UNC5C: variants seen among roughly 807,000 people sequenced by gnomAD.
UNC5C encodes the protein netrin receptor UNC5C.
Under a neutral mutation model 99.8 loss-of-function variants are expected in UNC5C, and 47 were observed. The observed-to-expected ratio is 0.47, with a 90% CI of 0.37 to 0.60. The LOEUF is 0.60. Ranked by LOEUF, UNC5C falls within the 20% of genes least tolerant of loss-of-function variation. The pLI, the probability that UNC5C is intolerant of heterozygous loss-of-function variation, is 0.00. For synonymous variants in UNC5C, 487 were observed against 452.2 expected, an observed-to-expected ratio of 1.08 and a Z score of -0.98; for missense variants, 1,062 against 1,165.9, an observed-to-expected ratio of 0.91 and a Z score of 1.30.
chr4:95,474,930 T>C (rs1748090066), intron 1 of UNC5C, among the ~76,000 whole-genome samples: 1 of 152,114 alleles, frequency 6.6e-6, no homozygotes, highest in Non-Finnish European at 1.5e-5. Flanking sequence ...GTTTTAAGAC[T>C]TTTTATGTTC....
At chr4:95,236,100 T>A (rs999824370) in intron 7 of UNC5C, among the ~76,000 whole-genome samples, 3 of 152,156 alleles carry the variant, frequency 2.0e-5, no homozygotes, top group Non-Finnish European at 2.9e-5. Context: ...ACCCAAAGGA[T>A]TATAAATCAT....
Position 95,333,561 on chromosome 4 carries a change from C to T in UNC5C, c.346+1849G>A, listed in dbSNP as rs13135470. On this transcript the variant is annotated intron_variant, in intron 2 of 15. Transcript: ENST00000453304. ...ACAGGAAGGGGAACATCACACTCTG[C>T]GGACTATTGTGGGGTGGGGGGAGGG... is the stretch of plus-strand genomic sequence containing the variant. Among the ~76,000 whole-genome samples, 7 of 128,230 alleles carry T rather than the reference C, an allele frequency of 5.5e-5. 1 individual carries two copies. The highest frequency in any genetic ancestry group is 1.6e-4 in the African/African-American group (5 of 31,322). 84.1% of individuals were successfully genotyped at this position (128,230 alleles called of 152,430 possible).
chr4:95,224,358 A>G (rs550451950), intron 7 of UNC5C, among the ~76,000 whole-genome samples: 17 of 152,342 alleles, frequency 1.1e-4, no homozygotes, highest in South Asian at 6.2e-4. Context: ...AGGAAAGCCT[A>G]TCTCCAGCTA....
chr4:95,435,254 G>T (rs1746742840), intron 1 of UNC5C, among the ~76,000 whole-genome samples: 1 of 152,002 alleles, frequency 6.6e-6, no homozygotes. Context: ...AGTTGGACAG[G>T]GAGGTTGATG....
intron 1 of UNC5C, among the ~76,000 whole-genome samples, chr4:95,459,057 CT>C (rs1747523695): frequency 6.6e-6 from 1 of 151,912 alleles, no homozygotes; most frequent in East Asian, 1.9e-4. Context: ...CCCTGTTATC[CT>C]TTTAGGAATT....
chr4:95,348,174 C>G (rs538126259), intron 1 of UNC5C, among the ~76,000 whole-genome samples: 11 of 151,966 alleles, frequency 7.2e-5, no homozygotes, highest in African/African-American at 2.7e-4. Context: ...CATCATTGAT[C>G]ATTATAGAAA....
chr4:95,292,204 T>C (rs1269265958), intron 3 of UNC5C, among the ~76,000 whole-genome samples: 2 of 110,388 alleles, frequency 1.8e-5, no homozygotes, highest in African/African-American at 3.4e-5. Flanking sequence ...TACACATATA[T>C]ATACATATAT....
chr4:95,395,303 G>A (rs1475457966), intron 1 of UNC5C, among the ~76,000 whole-genome samples: 1 of 152,086 alleles, frequency 6.6e-6, no homozygotes, highest in Non-Finnish European at 1.5e-5. Context: ...CTAGTTGTAT[G>A]GTCAAAATGC....
intron 1 of UNC5C, among the ~76,000 whole-genome samples, chr4:95,350,105 C>T (rs1214696268): frequency 6.6e-6 from 1 of 152,090 alleles, no homozygotes; most frequent in African/African-American, 2.4e-5. Context: ...ATTTGTAACT[C>T]ATTAGTACTT....
chr4:95,430,007 G>T (rs57558370), intron 1 of UNC5C, among the ~76,000 whole-genome samples: 1,595 of 152,176 alleles, frequency 0.01, 36 homozygotes, highest in African/African-American at 0.036. Flanking sequence ...GGTTAGTGGG[G>T]AGGGAGAGAT....
At chr4:95,295,690 C>T (rs1185306098) in intron 3 of UNC5C, among the ~76,000 whole-genome samples, 1 of 152,266 alleles carries the variant, frequency 6.6e-6, no homozygotes, top group East Asian at 1.9e-4. Context: ...GTGATCTTCA[C>T]CTCTGATGAG....
At chr4:95,314,674 T>C (rs1030515371) in intron 2 of UNC5C, among the ~76,000 whole-genome samples, 4 of 152,194 alleles carry the variant, frequency 2.6e-5, no homozygotes, top group Admixed American at 1.3e-4. Flanking sequence ...TCCTTCACTT[T>C]CCAACTAGAA....
In UNC5C at chr4:95,182,871, A is replaced by G. The variant is rs772804117; in HGVS notation, c.2451+26T>C. ...TTCCTGAGTGTCGCACTCTCCCCTGATTTCAGACAGACAGGAGCCACTTAC... is the reference window on the plus strand; with the variant it reads ...TTCCTGAGTGTCGCACTCTCCCCTGGTTTCAGACAGACAGGAGCCACTTAC... On this transcript the variant is annotated intron_variant, in intron 14 of 15. Coordinates refer to ENST00000453304, the MANE Select transcript of UNC5C (RefSeq NM_003728.4). 2.2e-5 allele frequency: 35 copies of G among 1,598,280 alleles called. 1 individual carries two copies. In the South Asian group the frequency reaches 3.9e-4, roughly 18 times the overall value.
intron 1 of UNC5C, among the ~76,000 whole-genome samples, chr4:95,341,875 G>A (rs74642377): frequency 0.011 from 1,610 of 152,168 alleles, 34 homozygotes; most frequent in African/African-American, 0.037. Flanking sequence ...GTGATTGTGC[G>A]ACTTTGCATT....
chr4:95,472,203 G>A (rs1181509642), intron 1 of UNC5C, among the ~76,000 whole-genome samples: 3 of 152,102 alleles, frequency 2.0e-5, no homozygotes, highest in Middle Eastern at 6.8e-3. Context: ...TAAAAAATAA[G>A]TTTTCCATTT....
chr4:95,279,013 T>G (rs1025500854), intron 3 of UNC5C, among the ~76,000 whole-genome samples: 11 of 152,302 alleles, frequency 7.2e-5, no homozygotes, highest in African/African-American at 2.6e-4. Context: ...AACCCCATTC[T>G]CTTGATTCTT....
chr4:95,476,352 C>T (rs1311909508), intron 1 of UNC5C, among the ~76,000 whole-genome samples: 1 of 152,074 alleles, frequency 6.6e-6, no homozygotes, highest in Non-Finnish European at 1.5e-5. Flanking sequence ...AGCCTGGCAT[C>T]TACCATCTCC....
At chr4:95,196,241 A>G (rs1232950719) in intron 12 of UNC5C, among the ~76,000 whole-genome samples, 2 of 152,200 alleles carry the variant, frequency 1.3e-5, no homozygotes, top group East Asian at 1.9e-4. Context: ...TGAAAGGAAA[A>G]CACCTTTTTC....
At chr4:95,291,300 A>G (rs1427085529) in intron 3 of UNC5C, among the ~76,000 whole-genome samples, 1 of 152,202 alleles carries the variant, frequency 6.6e-6, no homozygotes, top group African/African-American at 2.4e-5. Flanking sequence ...AACTTTATGG[A>G]TGAGGAAACT....
Sources: gnomAD v4.1 joint callset for allele counts (sites outside exome capture counted in the v4.1 genomes callset) on GRCh38, gnomAD v4.1.1 for gene constraint, MANE v1.5 for transcripts, NCBI Gene and HGNC (gene_info 2026-07-23, HGNC 2026-07-21) for gene names.